HPS4: variants seen among roughly 807,000 people sequenced by gnomAD.
The protein encoded by HPS4 is HPS4 biogenesis of lysosomal organelles complex 3 subunit 2.
Under a neutral mutation model 70.3 loss-of-function variants are expected in HPS4, and 44 were observed. That is an observed-to-expected ratio of 0.63 (90% CI 0.49 to 0.80). HPS4 has a LOEUF of 0.80. HPS4 is among the 30% of genes least tolerant of loss of function. The probability of loss-of-function intolerance (pLI) is 0.00; values close to 1 mark genes in which losing one functional copy is unlikely to be tolerated. For missense variants in HPS4, 873 were observed against 884.4 expected, an observed-to-expected ratio of 0.99 and a Z score of 0.16; for synonymous variants, 377 against 355.9, an observed-to-expected ratio of 1.06 and a Z score of -0.67.
At position 26,479,301 on chromosome 22, in the gene HPS4, T is replaced by G. The variant is rs1380211947; in HGVS notation, c.96A>C (p.Pro32=). 2 of 1,614,224 alleles carry G rather than the reference T, an allele frequency of 1.2e-6. No homozygotes were observed. The highest frequency in any genetic ancestry group is 2.2e-5 in the East Asian group (1 of 44,890). ...AAAAGTAACAAATGCCAGCTCTTGT[T>G]GGATCGCCTTCTTCCTTTACCTTGG... is the stretch of plus-strand genomic sequence containing the variant. The part of the protein sequence containing the change: ...DGSKVKEEGD[P]TRAGICYFYP... Residue 32 remains proline (P), a synonymous_variant, in exon 3 of 14, where the codon CCA becomes CCC. Coordinates refer to ENST00000398145, the MANE Select transcript of HPS4 (RefSeq NM_022081.6).
At chr22:26,469,263 A>AT (rs1251143815) in intron 7 of HPS4, among the ~76,000 whole-genome samples, 5 of 134,716 alleles carry the variant, frequency 3.7e-5, no homozygotes, top group African/African-American at 5.6e-5. Context: ...CATGAGCAAC[A>AT]TAGTGAGATC....
chr22:26,461,852 T>C (rs1279849673), intron 11 of HPS4, among the ~76,000 whole-genome samples: 1 of 152,118 alleles, frequency 6.6e-6, no homozygotes, highest in Non-Finnish European at 1.5e-5. Context: ...TTTTCAGGGA[T>C]GGGTGCAATC....
rs1569032362 is a variant in HPS4, at chr22:26,458,545, C to T, written c.1746G>A (p.Leu582=). The change falls in exon 12 of 14, where the codon CTG becomes CTA. Residue 582 remains leucine, a synonymous_variant. Coordinates refer to ENST00000398145, the MANE Select transcript of HPS4 (RefSeq NM_022081.6). ...YHSSLASLNG[L]EVHLKETLPR... ...GCAGCGTCTCTTTCAGGTGGACTTC[C>T]AGCCCATTCAGTGAAGCCAGGCTGC... 2 of 1,614,042 alleles carry T rather than the reference C, an allele frequency of 1.2e-6. No individual in the cohort carries two copies. The highest frequency in any genetic ancestry group is 1.7e-6 in the Non-Finnish European group (2 of 1,180,044).
intron 2 of HPS4, among the ~76,000 whole-genome samples, chr22:26,481,314 A>G (rs2091264809): frequency 6.6e-6 from 1 of 152,160 alleles, no homozygotes; most frequent in African/African-American, 2.4e-5. Context: ...TGAGAAGGGA[A>G]CTGGGTTTCA....
At chr22:26,453,510 A>G (rs997421605) in intron 13 of HPS4, 106 bp from the exon 14 acceptor site, 3 of 1,167,154 alleles carry the variant, frequency 2.6e-6, no homozygotes, top group Non-Finnish European at 2.6e-6. Flanking sequence ...AGGACACCCA[A>G]TGTGGCATGT....
chr22:26,464,644 G>A lies in HPS4; in HGVS notation c.986C>T (p.Ser329Phe). ...PDGRKENGCL[S>F]GHDLESIRPA... ...CCTGATGCTCTCCAGATCATGGCCA[G>A]ACAAGCATCCGTTCTCCTTCCTGCC... is the stretch of plus-strand genomic sequence containing the variant. The change falls in exon 11 of 14, where the codon TCT becomes TTT. Residue 329 changes from serine (S) to phenylalanine (F), a missense_variant. By Grantham distance (155) the Ser-to-Phe change is radical (BLOSUM62 -2). Coordinates refer to ENST00000398145, the MANE Select transcript of HPS4 (RefSeq NM_022081.6). The A allele has an allele frequency of 6.2e-7, 1 of 1,613,534 alleles. No homozygotes were observed. The highest frequency in any genetic ancestry group is 8.5e-7 in the Non-Finnish European group (1 of 1,179,396).
At chr22:26,453,494 G>T (rs2085552566) in intron 13 of HPS4, 90 bp from the exon 14 acceptor site, 20 of 1,367,508 alleles carry the variant, frequency 1.5e-5, no homozygotes, top group Non-Finnish European at 2.1e-5. Flanking sequence ...TTGTCACAGA[G>T]GACCCAGGAC....
At chr22:26,467,472 A>G (rs1243165358) in intron 8 of HPS4, 3 of 152,228 alleles carry the variant, frequency 2.0e-5, no homozygotes, top group Non-Finnish European at 4.4e-5. Flanking sequence ...TTTGAGTATA[A>G]ATTTTTTTCA....
At chr22:26,478,506 G>A (rs2090873378) in intron 3 of HPS4, among the ~76,000 whole-genome samples, 1 of 145,806 alleles carries the variant, frequency 6.9e-6, no homozygotes. Flanking sequence ...GGGAGGTGGA[G>A]CATGCAGTGA....
intron 13 of HPS4, among the ~76,000 whole-genome samples, chr22:26,454,477 T>G (rs2085732433): frequency 6.6e-6 from 1 of 152,220 alleles, no homozygotes; most frequent in Non-Finnish European, 1.5e-5. Context: ...AGAATGAGAT[T>G]AAGTGAGTGC....
chr22:26,464,533 T>G lies in HPS4; in HGVS notation c.1097A>C (p.Glu366Ala). The G allele has an allele frequency of 6.2e-7, 1 of 1,614,128 alleles. No homozygotes were observed. Among genetic ancestry groups the G allele is most frequent in the Non-Finnish European group, 8.5e-7 (1 of 1,179,980 alleles). ...LGKELVFLQE[E>A]LDLSEIHIPE... Reference sequence around the variant, plus strand: ...AATGTGGATTTCAGACAAGTCGAGTTCTTCTTGGAGAAAGACTAGTTCCTT... The same window carrying G: ...AATGTGGATTTCAGACAAGTCGAGTGCTTCTTGGAGAAAGACTAGTTCCTT... Residue 366 changes from glutamate (E) to alanine (A), a missense_variant, in exon 11 of 14, where the codon GAA becomes GCA. Transcript: ENST00000398145.
chr22:26,461,415 A>G (rs1258600274), intron 11 of HPS4, among the ~76,000 whole-genome samples: 2 of 152,034 alleles, frequency 1.3e-5, no homozygotes, highest in Non-Finnish European at 1.5e-5. Context: ...GTGTGAGCCT[A>G]TTCCACTCCC....
chr22:26,482,423 G>T (rs1015593849), intron 1 of HPS4, among the ~76,000 whole-genome samples, 183 bp from the exon 2 acceptor site: 1 of 152,140 alleles, frequency 6.6e-6, no homozygotes, highest in South Asian at 2.1e-4. Flanking sequence ...AACAGTTAAG[G>T]GAAACACACC....
chr22:26,463,110 C>T (rs2087655519), intron 11 of HPS4, among the ~76,000 whole-genome samples: 2 of 152,236 alleles, frequency 1.3e-5, no homozygotes, highest in East Asian at 1.9e-4. Flanking sequence ...GCTGTTCTTA[C>T]TGCTACCACT....
intron 8 of HPS4, chr22:26,466,514 A>G: frequency 1.7e-6 from 1 of 593,542 alleles, no homozygotes; most frequent in Non-Finnish European, 3.0e-6. Flanking sequence ...AACTCACATC[A>G]CACTCTACGT....
At chr22:26,447,957 C>G (rs963181429), downstream of HPS4, among the ~76,000 whole-genome samples, 3 of 152,220 alleles carry the variant, frequency 2.0e-5, no homozygotes, top group Non-Finnish European at 4.4e-5. Context: ...CTACGAGGTT[C>G]CTTCCCCTAC....
At chr22:26,475,608 TC>T (rs2090438217) in intron 4 of HPS4, 1 of 152,012 alleles carries the variant, frequency 6.6e-6, no homozygotes, top group Non-Finnish European at 1.5e-5. Flanking sequence ...TGTCTTGGCC[TC>T]CCAAAGTGCT....
At position 26,451,983 on chromosome 22, in the gene HPS4, GTTACGCGCGCGCGCGCGCGCGCACA is replaced by G. The variant is rs2085252754; in HGVS notation, c.*1225_*1249del. On this transcript the variant is annotated 3_prime_UTR_variant, in exon 14 of 14. Transcript: ENST00000398145. ...GGAAGGAAAAGAGGGATGCGCCCAC[GTTACGCGCGCGCGCGCGCGCGCACA>G]CACACACACACACACACACACACAC... 3 of 85,524 alleles carry G rather than the reference GTTACGCGCGCGCGCGCGCGCGCACA, an allele frequency of 3.5e-5. No homozygotes were observed. The Admixed American group carries it at 4.4e-4, about 13-fold the overall frequency. The allele number at this position is 85,524 out of a possible 1,614,324, so 5.3% of individuals were successfully genotyped here.
rs1254828326 is a variant in HPS4, at chr22:26,464,788, G to A, written c.842C>T (p.Ala281Val). Reference protein sequence around the residue: ...ASPAGLQDGSAQHHPKGGSTS... With the variant: ...ASPAGLQDGSVQHHPKGGSTS... ...GCTCCCACCCTTTGGATGGTGCTGG[G>A]CTGAACCATCCTGGAGTCCTGCTGG... Residue 281 changes from alanine to valine, a missense_variant, in exon 11 of 14, where the codon GCC (alanine) becomes GTC (valine). Physicochemically the swap from Ala to Val is moderately conservative, Grantham distance 64. Coordinates refer to ENST00000398145, the MANE Select transcript of HPS4 (RefSeq NM_022081.6). The A allele has an allele frequency of 5.7e-6, 9 of 1,592,642 alleles. No homozygotes were observed. The highest frequency in any genetic ancestry group is 2.7e-5 in the African/African-American group (2 of 74,042).
Sources: allele counts gnomAD v4.1 joint callset (sites outside exome capture counted in the v4.1 genomes callset), GRCh38; gene constraint gnomAD v4.1.1; transcripts MANE v1.5; gene names NCBI Gene and HGNC (gene_info 2026-07-23, HGNC 2026-07-21).